The following TMEM45A variants were observed in gnomAD, a reference collection of about 807,000 sequenced individuals.
TMEM45A encodes the protein DNA polymerase-transactivated protein 4.
Under a neutral mutation model 32.0 loss-of-function variants are expected in TMEM45A, and 25 were observed. The ratio of observed to expected loss-of-function variants is 0.78; its 90% CI spans 0.57 to 1.09. The LOEUF (loss-of-function observed/expected upper bound fraction) is 1.09. Ranked by LOEUF, TMEM45A falls within the 50% of genes least tolerant of loss-of-function variation. The pLI, the probability that TMEM45A is intolerant of heterozygous loss-of-function variation, is 0.00. For synonymous variants in TMEM45A, 122 were observed against 114.8 expected (o/e 1.06, Z -0.40); for missense variants, 302 against 325.0 (o/e 0.93, Z 0.54).
At chr3:100,576,890 ACCGTCT>A (rs745434731) in intron 5 of TMEM45A, 29 bp from the exon 6 acceptor site, 1 of 1,505,740 alleles carries the variant, frequency 6.6e-7, no homozygotes, top group South Asian at 1.1e-5. Context: ...TATTTTAAAA[ACCGTCT>A]AACTTGAGAT....
rs144614872 is a variant in TMEM45A, at chr3:100,510,585, C to T, written c.-4+17657C>T. ...GCCTCTCCTCCTCCAAAGGAACGCA[C>T]GCAGTTCCTCACCAGCAATGGAACA... On this transcript the variant is annotated intron_variant, in intron 1 of 5. Coordinates refer to ENST00000323523, the MANE Select transcript of TMEM45A (RefSeq NM_018004.3). Among the ~76,000 whole-genome samples the T allele has an allele frequency of 6.3e-3, 965 of 152,316 alleles. 2 individuals carry two copies. Among genetic ancestry groups the T allele is most frequent in the African/African-American group, 7.7e-3 (322 of 41,572 alleles).
chr3:100,515,194 A>G (rs1194651537), intron 1 of TMEM45A, among the ~76,000 whole-genome samples: 2 of 152,128 alleles, frequency 1.3e-5, no homozygotes, highest in Admixed American at 1.3e-4. Flanking sequence ...TTATTGTGTC[A>G]TTATTCTCCA....
intron 4 of TMEM45A, among the ~76,000 whole-genome samples, chr3:100,559,038 T>A (rs1706278187): frequency 6.6e-6 from 1 of 152,226 alleles, no homozygotes; most frequent in Non-Finnish European, 1.5e-5. Flanking sequence ...ATTATCATCA[T>A]CAATTTACAG....
chr3:100,551,550 C>T (rs987193541), intron 1 of TMEM45A, among the ~76,000 whole-genome samples: 1 of 152,028 alleles, frequency 6.6e-6, no homozygotes, highest in Non-Finnish European at 1.5e-5. Flanking sequence ...GTAAGTTGCA[C>T]CTGAAGGCAA....
At chr3:100,507,319 A>G (rs1342521415) in intron 1 of TMEM45A, among the ~76,000 whole-genome samples, 1 of 152,206 alleles carries the variant, frequency 6.6e-6, no homozygotes, top group Admixed American at 6.5e-5. Context: ...GCTTTTCTGC[A>G]TACAATTTAC....
intron 1 of TMEM45A, among the ~76,000 whole-genome samples, chr3:100,522,046 A>G (rs967211105): frequency 1.3e-5 from 2 of 151,874 alleles, no homozygotes; most frequent in Non-Finnish European, 2.9e-5. Flanking sequence ...TTGAGTTCCA[A>G]TCTATACTTG....
intron 1 of TMEM45A, among the ~76,000 whole-genome samples, chr3:100,527,392 A>T (rs1470262998): frequency 6.6e-6 from 1 of 152,176 alleles, no homozygotes; most frequent in Non-Finnish European, 1.5e-5. Context: ...CATCATTCTC[A>T]GCTACCCTCA....
chr3:100,545,867 T>C (rs1705970070), intron 1 of TMEM45A, among the ~76,000 whole-genome samples: 1 of 152,206 alleles, frequency 6.6e-6, no homozygotes, highest in African/African-American at 2.4e-5. Flanking sequence ...GCCTATGTCC[T>C]AATTCCTGGA....
intron 1 of TMEM45A, among the ~76,000 whole-genome samples, chr3:100,505,450 T>TG (rs2148930365): frequency 6.6e-6 from 1 of 152,320 alleles, no homozygotes; most frequent in South Asian, 2.1e-4. Context: ...GCCATGGCAA[T>TG]GGCAACAATT....
intron 1 of TMEM45A, among the ~76,000 whole-genome samples, chr3:100,524,778 G>A (rs1002007748): frequency 2.0e-5 from 3 of 152,162 alleles, no homozygotes; most frequent in Non-Finnish European, 2.9e-5. Context: ...TTCAATTGCT[G>A]ACCAGTAAGC....
At chr3:100,542,527 G>A (rs1267247014) in intron 1 of TMEM45A, among the ~76,000 whole-genome samples, 5 of 152,162 alleles carry the variant, frequency 3.3e-5, no homozygotes, top group Non-Finnish European at 5.9e-5. Flanking sequence ...GCAACCCACA[G>A]AATGGGAGCA....
At chr3:100,505,641 G>T (rs913817190) in intron 1 of TMEM45A, among the ~76,000 whole-genome samples, 1 of 152,170 alleles carries the variant, frequency 6.6e-6, no homozygotes, top group Non-Finnish European at 1.5e-5. Flanking sequence ...AGTGCAAAGA[G>T]TTTTAAAGAA....
chr3:100,539,474 T>TATGCATATGC (rs1705814596), intron 1 of TMEM45A, among the ~76,000 whole-genome samples: 2 of 75,626 alleles, frequency 2.6e-5, no homozygotes, highest in Non-Finnish European at 6.5e-5. Context: ...TATGTATATG[T>TATGCATATGC]ATATGTATAT....
chr3:100,520,917 C>T (rs190636259), intron 1 of TMEM45A, among the ~76,000 whole-genome samples: 2 of 152,096 alleles, frequency 1.3e-5, no homozygotes, highest in Admixed American at 1.3e-4. Context: ...CTGGAAGCAA[C>T]CTTTGCAGTA....
Position 100,543,938 on chromosome 3 carries a change from C to T in TMEM45A, c.-3-11271C>T, listed in dbSNP as rs189521616. 5.4e-4 allele frequency among the ~76,000 whole-genome samples: 82 copies of T among 151,908 alleles called. 1 individual carries two copies. Among genetic ancestry groups the T allele is most frequent in the Non-Finnish European group, 9.1e-4 (62 of 67,946 alleles). On this transcript the variant is annotated intron_variant, in intron 1 of 5. Coordinates refer to ENST00000323523, the MANE Select transcript of TMEM45A (RefSeq NM_018004.3). ...AGTTTCTTCATCTGTAAAATGGGGG[C>T]GATAGCATTACCTATTTCAGAGGTT...
At chr3:100,521,590 C>A (rs1455949413) in intron 1 of TMEM45A, among the ~76,000 whole-genome samples, 1 of 152,170 alleles carries the variant, frequency 6.6e-6, no homozygotes, top group Non-Finnish European at 1.5e-5. Context: ...GAGGTGGCTT[C>A]TCCTTGGCTA....
chr3:100,513,177 G>C (rs1489192613), intron 1 of TMEM45A, among the ~76,000 whole-genome samples: 1 of 149,704 alleles, frequency 6.7e-6, no homozygotes, highest in East Asian at 2.0e-4. Flanking sequence ...AACAAAAAAA[G>C]AGAATTTTAG....
chr3:100,542,847 G>A (rs140235228), intron 1 of TMEM45A, among the ~76,000 whole-genome samples: 2 of 152,100 alleles, frequency 1.3e-5, no homozygotes, highest in Non-Finnish European at 2.9e-5. Context: ...TAATACATGG[G>A]CATACAGATG....
intron 5 of TMEM45A, among the ~76,000 whole-genome samples, chr3:100,570,358 G>A (rs1706533496): frequency 1.3e-5 from 2 of 152,306 alleles, no homozygotes; most frequent in East Asian, 3.9e-4. Context: ...TGCTGAAGCA[G>A]CTCTGGTGCT....
Sources: gnomAD v4.1 joint callset for allele counts (sites outside exome capture counted in the v4.1 genomes callset) on GRCh38, gnomAD v4.1.1 for gene constraint, MANE v1.5 for transcripts, NCBI Gene and HGNC (gene_info 2026-07-23, HGNC 2026-07-21) for gene names.